Variants in FIGN observed in about 807,000 individuals in gnomAD.
FIGN encodes fidgetin.
In FIGN, 11 loss-of-function variants were observed where a neutral mutation model predicts 51.3. The ratio of observed to expected loss-of-function variants is 0.21; its 90% CI spans 0.13 to 0.35. The LOEUF (loss-of-function observed/expected upper bound fraction) is 0.35, where lower values mean the gene tolerates loss of function less well. Among genes scored for constraint, FIGN ranks in the 10% least tolerant of loss-of-function variants. FIGN has a pLI of 1.00. For missense variants in FIGN, 857 were observed against 943.6 expected, an observed-to-expected ratio of 0.91 and a Z score of 1.20; for synonymous variants, 407 against 363.2, an observed-to-expected ratio of 1.12 and a Z score of -1.37.
intron 2 of FIGN, among the ~76,000 whole-genome samples, chr2:163,645,563 A>T (rs1212565677): frequency 6.6e-6 from 1 of 152,194 alleles, no homozygotes; most frequent in Non-Finnish European, 1.5e-5. Context: ...CCCAGGCCAC[A>T]GTGATACAGG....
chr2:163,684,593 C>G (rs1211173073), intron 2 of FIGN, among the ~76,000 whole-genome samples: 1 of 152,134 alleles, frequency 6.6e-6, no homozygotes, highest in African/African-American at 2.4e-5. Flanking sequence ...ATCTAGTTTT[C>G]AGGTACATGT....
chr2:163,610,735 T>C lies in FIGN; in HGVS notation c.1097A>G (p.Asp366Gly), dbSNP rs772167659. The change falls in exon 3 of 3, where the codon GAC (aspartate) becomes GGC (glycine). Residue 366 changes from aspartate (D) to glycine (G), a missense_variant. Coordinates refer to ENST00000333129, the MANE Select transcript of FIGN (RefSeq NM_018086.4). The part of the protein sequence containing the change: ...ISNTNRGNGF[D>G]RSAETSSLAF... ...TAAGGATGATGTTTCAGCACTTCTG[T>C]CAAAGCCATTCCCCCGATTTGTGTT... 7 of 1,614,190 alleles carry C rather than the reference T, an allele frequency of 4.3e-6. No individual in the cohort carries two copies. Among genetic ancestry groups the C allele is most frequent in the Non-Finnish European group, 5.9e-6 (7 of 1,180,022 alleles).
Position 163,610,025 on chromosome 2 carries a change from T to C in FIGN, c.1807A>G (p.Ser603Gly). ...ATCAGAAATTCGGTTCTCATCCGACTGACTGGACTATGTTCCTCATTCACT... is the reference window on the plus strand; with the variant it reads ...ATCAGAAATTCGGTTCTCATCCGACCGACTGGACTATGTTCCTCATTCACT... ...SQVNEEHSPV[S>G]RMRTEFLMQL... Residue 603 changes from serine (S) to glycine (G), a missense_variant, in exon 3 of 3, where the codon AGT becomes GGT. Around this residue, in one of 3 missense-constraint regions of FIGN, gnomAD observed 799 missense variants for 849.5 expected, o/e 0.94. Coordinates refer to ENST00000333129, the MANE Select transcript of FIGN (RefSeq NM_018086.4). The C allele has an allele frequency of 6.2e-7, 1 of 1,614,148 alleles. No individual in the cohort carries two copies. The highest frequency in any genetic ancestry group is 8.5e-7 in the Non-Finnish European group (1 of 1,180,014).
At chr2:163,720,374 A>T (rs1039465059) in intron 2 of FIGN, among the ~76,000 whole-genome samples, 12 of 152,192 alleles carry the variant, frequency 7.9e-5, no homozygotes, top group Non-Finnish European at 1.6e-4. Flanking sequence ...ACTGAATGAA[A>T]ACAATTGTAT....
intron 2 of FIGN, among the ~76,000 whole-genome samples, chr2:163,704,658 A>ATCTCTCT (rs1684469434): frequency 5.0e-5 from 3 of 60,152 alleles, no homozygotes; most frequent in Non-Finnish European, 9.8e-5. Context: ...TCTCTCTCTC[A>ATCTCTCT]CACACACACA....
chr2:163,700,811 T>C (rs1411736757), intron 2 of FIGN, among the ~76,000 whole-genome samples: 1 of 152,150 alleles, frequency 6.6e-6, no homozygotes, highest in Non-Finnish European at 1.5e-5. Flanking sequence ...TAGCTCTATC[T>C]TCTCACTGAA....
At chr2:163,631,360 C>A (rs777614545) in intron 2 of FIGN, among the ~76,000 whole-genome samples, 6 of 152,132 alleles carry the variant, frequency 3.9e-5, no homozygotes, top group African/African-American at 1.2e-4. Context: ...ATGGATGATG[C>A]GAACTTTGTT....
At chr2:163,693,009 G>A (rs571157341) in intron 2 of FIGN, among the ~76,000 whole-genome samples, 5 of 152,276 alleles carry the variant, frequency 3.3e-5, no homozygotes, top group East Asian at 1.9e-4. Flanking sequence ...TCCTTTAACC[G>A]CAACTTCAGC....
At chr2:163,707,961 A>T (rs534219446) in intron 2 of FIGN, among the ~76,000 whole-genome samples, 1 of 152,316 alleles carries the variant, frequency 6.6e-6, no homozygotes, top group East Asian at 1.9e-4. Flanking sequence ...TTTTTAAGCC[A>T]CATTGTGATA....
intron 2 of FIGN, among the ~76,000 whole-genome samples, chr2:163,630,838 C>T (rs1017841764): frequency 1.3e-5 from 2 of 152,114 alleles, no homozygotes; most frequent in South Asian, 2.1e-4. Flanking sequence ...AAAAAAATCC[C>T]ATTTCATTTA....
rs564034330 is a variant in FIGN at position 163,605,684 on chromosome 2, C to T, written c.*3868G>A. ...CTTTACTTTAGTGGCCTCAATAGTT[C>T]AACAAGCTGCGTCCCTTTCACTTTG... On this transcript the variant is annotated 3_prime_UTR_variant, in exon 3 of 3. Coordinates refer to ENST00000333129, the MANE Select transcript of FIGN (RefSeq NM_018086.4). 6.6e-6 allele frequency: 1 copy of T among 151,932 alleles called. No individual in the cohort carries two copies. Among genetic ancestry groups the T allele is most frequent in the South Asian group, 2.1e-4 (1 of 4,810 alleles). 9.4% of individuals were successfully genotyped at this position (151,932 alleles called of 1,614,324 possible). A position where few individuals can be genotyped will look rare whatever the true frequency, so the allele number is the denominator to read the frequency against.
In FIGN at chr2:163,694,867, G is replaced by A. The variant is rs549776766; in HGVS notation, c.25+40036C>T. Among the ~76,000 whole-genome samples, 4 of 152,096 alleles carry A rather than the reference G, an allele frequency of 2.6e-5. No individual in the cohort carries two copies. The South Asian group carries it at 8.3e-4, about 32-fold the overall frequency. ...GGGATCTCGCTATGTTGCTTAAGTT[G>A]GACTTCAACTTTTGGGCCCAAGCAA... On this transcript the variant is annotated intron_variant, in intron 2 of 2. Coordinates refer to ENST00000333129, the MANE Select transcript of FIGN (RefSeq NM_018086.4).
intron 2 of FIGN, among the ~76,000 whole-genome samples, chr2:163,701,564 T>C (rs985394039): frequency 2.0e-5 from 3 of 152,164 alleles, no homozygotes; most frequent in African/African-American, 7.2e-5. Context: ...ACTGTAGATA[T>C]TAGAAGCTTT....
chr2:163,692,810 C>A (rs1298643363), intron 2 of FIGN, among the ~76,000 whole-genome samples: 1 of 152,162 alleles, frequency 6.6e-6, no homozygotes, highest in East Asian at 1.9e-4. Flanking sequence ...AAAATGTAAT[C>A]AAATGAAACC....
At chr2:163,712,262 G>A (rs1466967941) in intron 2 of FIGN, among the ~76,000 whole-genome samples, 1 of 152,110 alleles carries the variant, frequency 6.6e-6, no homozygotes, top group African/African-American at 2.4e-5. Flanking sequence ...CATATCTAAT[G>A]GAGTTTGTCC....
intron 2 of FIGN, among the ~76,000 whole-genome samples, chr2:163,666,959 G>GTATA (rs758626977): frequency 6.7e-6 from 1 of 150,348 alleles, no homozygotes; most frequent in Non-Finnish European, 1.5e-5. Context: ...GTGTGTATGT[G>GTATA]TATATATATA....
At chr2:163,637,658 ATTAT>A (rs1459827255) in intron 2 of FIGN, among the ~76,000 whole-genome samples, 1 of 151,328 alleles carries the variant, frequency 6.6e-6, no homozygotes, top group Non-Finnish European at 1.5e-5. Context: ...GAATTCAGTA[ATTAT>A]TTAACTTTTT....
At chr2:163,672,895 C>T (rs1339143509) in intron 2 of FIGN, among the ~76,000 whole-genome samples, 1 of 152,056 alleles carries the variant, frequency 6.6e-6, no homozygotes, top group Non-Finnish European at 1.5e-5. Context: ...TGTATTTTAC[C>T]TTAATTTCTT....
intron 2 of FIGN, among the ~76,000 whole-genome samples, chr2:163,618,524 G>A (rs1682914954): frequency 6.6e-6 from 1 of 151,492 alleles, no homozygotes; most frequent in Admixed American, 6.6e-5. Context: ...ACAGCCTGAG[G>A]GTAACATATA....
Sources: gnomAD v4.1 joint callset for allele counts (sites outside exome capture counted in the v4.1 genomes callset) on GRCh38, gnomAD v4.1.1 for gene constraint, gnomAD v4.1.1 regional missense constraint, MANE v1.5 for transcripts, NCBI Gene and HGNC (gene_info 2026-07-23, HGNC 2026-07-21) for gene names.